NWD1: variants seen among roughly 807,000 people sequenced by gnomAD.
The protein encoded by NWD1 is NACHT and WD repeat domain containing 1.
NWD1 carries 129 observed loss-of-function variants against 135.1 expected under a neutral mutation model. The observed-to-expected ratio is 0.96, with a 90% CI of 0.83 to 1.11. NWD1 has a LOEUF of 1.11. NWD1 is among the 50% of genes least tolerant of loss of function. The probability of loss-of-function intolerance (pLI) is 0.00; values close to 1 mark genes in which losing one functional copy is unlikely to be tolerated. For synonymous variants in NWD1, 773 were observed against 786.0 expected (o/e 0.98, Z 0.28); for missense variants, 1,740 against 1,851.3 (o/e 0.94, Z 1.10).
intron 6 of NWD1, among the ~76,000 whole-genome samples, chr19:16,756,853 C>T (rs73521237): frequency 0.045 from 6,787 of 152,176 alleles, 493 homozygotes; most frequent in African/African-American, 0.15. Flanking sequence ...CATTACCACC[C>T]GAGCTCCCCC....
chr19:16,770,716 C>T (rs1485275092), intron 10 of NWD1, among the ~76,000 whole-genome samples: 1 of 152,148 alleles, frequency 6.6e-6, no homozygotes, highest in Admixed American at 6.6e-5. Context: ...TCAGTTCACA[C>T]AGAACCTCCA....
Position 16,763,863 on chromosome 19 carries a change from T to C in NWD1, c.2169T>C (p.Val723=), listed in dbSNP as rs1412862851. 2 of 1,613,934 alleles carry C rather than the reference T, an allele frequency of 1.2e-6. No homozygotes were observed. The highest frequency in any genetic ancestry group is 2.7e-5 in the African/African-American group (2 of 74,916). The part of the protein sequence containing the change: ...APQPLWFSHT[V]ANLRKLKELP... ...AGCCTCTGTGGTTCTCACATACGGT[T>C]GCAAACCTGCGGAAGCTGAAGGAGT... The change falls in exon 9 of 19, where the codon GTT becomes GTC. Residue 723 remains valine, a synonymous_variant. Coordinates refer to ENST00000524140, the MANE Select transcript of NWD1 (RefSeq NM_001007525.5).
intron 4 of NWD1, among the ~76,000 whole-genome samples, chr19:16,741,733 T>G (rs535915567): frequency 6.6e-6 from 1 of 152,134 alleles, no homozygotes; most frequent in African/African-American, 2.4e-5. Flanking sequence ...GTACGACCCA[T>G]GTTTTACCCT....
rs774498722 is a variant in NWD1 at position 16,789,191 on chromosome 19, G to T, written c.2940+1G>T. 1 of 1,610,696 alleles carries T rather than the reference G, an allele frequency of 6.2e-7. No individual in the cohort carries two copies. On this transcript the variant is annotated splice_donor_variant, in intron 13 of 18. Transcript: ENST00000524140. LOFTEE classifies it high-confidence loss of function. ...TGTGTATTCAGCATCTGGCTCAAAG[G>T]TAACAAACATATGCCCTGTTTGTAA...
At chr19:16,747,570 G>A (rs865896523) in intron 5 of NWD1, among the ~76,000 whole-genome samples, 7 of 150,580 alleles carry the variant, frequency 4.6e-5, no homozygotes, top group African/African-American at 1.7e-4. Flanking sequence ...ACGGGGTTTT[G>A]CCGTTTTGCA....
intron 15 of NWD1, 28 bp downstream of exon 15, chr19:16,794,581 T>A (rs1235026995): frequency 6.9e-7 from 1 of 1,450,316 alleles, no homozygotes; most frequent in Admixed American, 1.8e-5. Flanking sequence ...TTTGGAGTAG[T>A]GAGGAAGCTA....
chr19:16,753,678 C>A (rs970225642), intron 6 of NWD1, among the ~76,000 whole-genome samples: 3 of 152,168 alleles, frequency 2.0e-5, no homozygotes, highest in African/African-American at 7.2e-5. Flanking sequence ...TGCTGTTTAA[C>A]ACCCTACAGT....
At chr19:16,779,506 T>C (rs764547393) in intron 12 of NWD1, 41 bp downstream of exon 12, 1 of 1,601,096 alleles carries the variant, frequency 6.2e-7, no homozygotes, top group East Asian at 2.2e-5. Context: ...GCTTCCATAG[T>C]GAAAAGTTGG....
At chr19:16,729,287 T>C (rs1967458924) in intron 2 of NWD1, among the ~76,000 whole-genome samples, 1 of 152,058 alleles carries the variant, frequency 6.6e-6, no homozygotes, top group Non-Finnish European at 1.5e-5. Flanking sequence ...CTCCCCAACC[T>C]TATCTCATGT....
Position 16,815,013 on chromosome 19 carries a change from T to C in NWD1, c.4288-15T>C. On this transcript the variant is annotated splice_polypyrimidine_tract_variant and intron_variant, in intron 18 of 18. Transcript: ENST00000524140. ...CCCATTTTTCTCATTTGTGTCCTTCTCTTCACCCTTACAGGCACCCTGCTG... is the reference window on the plus strand; with the variant it reads ...CCCATTTTTCTCATTTGTGTCCTTCCCTTCACCCTTACAGGCACCCTGCTG... 1 of 1,612,340 alleles carries C rather than the reference T, an allele frequency of 6.2e-7. No individual in the cohort carries two copies. Among genetic ancestry groups the C allele is most frequent in the Non-Finnish European group, 8.5e-7 (1 of 1,178,638 alleles).
chr19:16,810,689 G>A (rs573298671), intron 18 of NWD1, among the ~76,000 whole-genome samples: 62 of 152,076 alleles, frequency 4.1e-4, no homozygotes, highest in African/African-American at 1.4e-3. Flanking sequence ...ATTGAGCCCT[G>A]GAGTTCGAGG....
Position 16,765,110 on chromosome 19 carries a change from C to A in NWD1, c.2328C>A (p.Ala776=). ...EDLLDDFDLC[A]PHLDSPEVGL... is the part of the protein sequence containing the mutation. ...TGCTGGATGACTTTGACCTGTGTGC[C>A]CCTCACCTGGACTCCCCTGAGGTTG... is the stretch of plus-strand genomic sequence containing the variant. The change falls in exon 10 of 19, where the codon GCC becomes GCA. Residue 776 remains alanine (A), a synonymous_variant. Transcript: ENST00000524140. 1 of 1,614,148 alleles carries A rather than the reference C, an allele frequency of 6.2e-7. No individual in the cohort carries two copies. The highest frequency in any genetic ancestry group is 1.3e-5 in the African/African-American group (1 of 75,028).
At chr19:16,773,089 C>G in intron 10 of NWD1, 37 bp from the exon 11 acceptor site, 1 of 1,591,800 alleles carries the variant, frequency 6.3e-7, no homozygotes, top group African/African-American at 1.3e-5. Flanking sequence ...AGAGGGGGCT[C>G]AATCCAGGCA....
chr19:16,787,904 AATCATCATCATCATCATC>A lies in NWD1; in HGVS notation c.2732-1054_2732-1037del, dbSNP rs149004219. ...TAATAATAATAATAATAATAATAAT[AATCATCATCATCATCATC>A]ATCATCATCATCATCATCATCATAG... On this transcript the variant is annotated intron_variant, in intron 12 of 18. Coordinates refer to ENST00000524140, the MANE Select transcript of NWD1 (RefSeq NM_001007525.5). Among the ~76,000 whole-genome samples, 333 of 121,032 alleles carry A rather than the reference AATCATCATCATCATCATC, an allele frequency of 2.8e-3. 3 individuals carry two copies. Among genetic ancestry groups the A allele is most frequent in the African/African-American group, 9.5e-3 (301 of 31,672 alleles). 79.4% of individuals were successfully genotyped at this position (121,032 alleles called of 152,430 possible).
chr19:16,789,307 G>A, intron 13 of NWD1, 117 bp downstream of exon 13: 1 of 754,736 alleles, frequency 1.3e-6, no homozygotes, highest in Middle Eastern at 3.3e-4. Flanking sequence ...GGGTGTAAAT[G>A]GAGTACACAA....
At position 16,744,415 on chromosome 19, in the gene NWD1, T is replaced by C; in HGVS notation, c.199-6T>C. On this transcript the variant is annotated splice_region_variant and splice_polypyrimidine_tract_variant and intron_variant, in intron 4 of 18. Coordinates refer to ENST00000524140, the MANE Select transcript of NWD1 (RefSeq NM_001007525.5). ...AGATTTGAATCTGTGACTTCCTCTC[T>C]GCCAGGCCCTCATCGGTGATCAGTA... The C allele has an allele frequency of 6.5e-7, 1 of 1,535,612 alleles. No homozygotes were observed. The highest frequency in any genetic ancestry group is 8.7e-7 in the Non-Finnish European group (1 of 1,146,570).
At position 16,808,025 on chromosome 19, in the gene NWD1, CTG is replaced by C; in HGVS notation, c.4181_4182del (p.Val1394GlyfsTer14). On this transcript the variant is annotated frameshift_variant, in exon 18 of 19. Transcript: ENST00000524140. LOFTEE classifies it high-confidence loss of function. ...PLETHRSRVA[C>X]VEVSHKEQLV... ...TGGAGACCCACAGGAGCCGAGTTGC[CTG>C]TGTGGAGGTCAGCCACAAGGAGCAG... 1 of 1,614,146 alleles carries C rather than the reference CTG, an allele frequency of 6.2e-7. No homozygotes were observed. Among genetic ancestry groups the C allele is most frequent in the Non-Finnish European group, 8.5e-7 (1 of 1,180,026 alleles).
intron 1 of NWD1, among the ~76,000 whole-genome samples, chr19:16,720,550 T>C (rs1463706482): frequency 6.6e-6 from 1 of 152,082 alleles, no homozygotes; most frequent in East Asian, 1.9e-4. Context: ...GACATTGCAA[T>C]GTCTAGGGAG....
In NWD1 at chr19:16,731,030, G is replaced by A. The variant is rs1316550724; in HGVS notation, c.-6-162G>A. The stretch of plus-strand genomic sequence containing the variant: ...AGGCAGAGGAGAGAGAATCTCTTGA[G>A]GCCAGGAACTCGAGACCAGCCTGGG... On this transcript the variant is annotated intron_variant, in intron 2 of 18. Transcript: ENST00000524140. 9 of 487,356 alleles carry A rather than the reference G, an allele frequency of 1.8e-5. No homozygotes were observed. In the East Asian group the frequency reaches 2.4e-4, roughly 13 times the overall value. 30.2% of individuals were successfully genotyped at this position (487,356 alleles called of 1,614,324 possible).
Sources: gnomAD v4.1 joint callset for allele counts (sites outside exome capture counted in the v4.1 genomes callset) on GRCh38, gnomAD v4.1.1 for gene constraint, MANE v1.5 for transcripts, NCBI Gene and HGNC (gene_info 2026-07-23, HGNC 2026-07-21) for gene names.